Variants in PHF2 observed in about 807,000 individuals in gnomAD.
PHF2 encodes PHD finger protein 2, also known as lysine-specific demethylase PHF2.
A neutral mutation model predicts 120.5 loss-of-function variants in PHF2; 27 were observed. That is an observed-to-expected ratio of 0.22 (90% CI 0.17 to 0.31). The LOEUF (loss-of-function observed/expected upper bound fraction) is 0.31. Among genes scored for constraint, PHF2 ranks in the 10% least tolerant of loss-of-function variants. The pLI is 1.00. For missense variants in PHF2, 1,024 were observed against 1,434.8 expected, an observed-to-expected ratio of 0.71 and a Z score of 4.63; for synonymous variants, 568 against 592.5, an observed-to-expected ratio of 0.96 and a Z score of 0.60.
chr9:93,596,656 G>A (rs1446512710), intron 1 of PHF2, among the ~76,000 whole-genome samples: 1 of 152,022 alleles, frequency 6.6e-6, no homozygotes, highest in Non-Finnish European at 1.5e-5. Flanking sequence ...TAGGGAGCTT[G>A]CTTCCCAGGA....
intron 5 of PHF2, among the ~76,000 whole-genome samples, chr9:93,651,598 G>A (rs1826371077): frequency 6.6e-6 from 1 of 152,104 alleles, no homozygotes; most frequent in Admixed American, 6.5e-5. Flanking sequence ...CCTCAGGGGG[G>A]CCCACAGTGA....
intron 1 of PHF2, among the ~76,000 whole-genome samples, chr9:93,616,645 C>T (rs1304516499): frequency 7.3e-6 from 1 of 136,838 alleles, no homozygotes; most frequent in African/African-American, 2.7e-5. Flanking sequence ...TGATGTTTCT[C>T]CTATAATTTT....
intron 19 of PHF2, 147 bp from the exon 20 acceptor site, chr9:93,675,533 T>C (rs926534792): frequency 1.6e-6 from 1 of 632,834 alleles, no homozygotes; most frequent in Non-Finnish European, 2.8e-6. Context: ...TGCCCTATTG[T>C]GAGGCGGCTT....
At chr9:93,649,340 T>G (rs1587705406) in intron 5 of PHF2, 128 bp downstream of exon 5, 2 of 565,920 alleles carry the variant, frequency 3.5e-6, no homozygotes, top group East Asian at 6.4e-5. Context: ...TGGCACACAC[T>G]GATTTTTACT....
At chr9:93,637,360 G>C (rs1488404478) in intron 3 of PHF2, among the ~76,000 whole-genome samples, 1 of 151,932 alleles carries the variant, frequency 6.6e-6, no homozygotes, top group Admixed American at 6.5e-5. Context: ...TGTGCAGTTC[G>C]GTGGATTTTA....
At chr9:93,659,653 A>T (rs1826523855) in intron 11 of PHF2, 53 bp downstream of exon 11, 1 of 1,533,936 alleles carries the variant, frequency 6.5e-7, no homozygotes, top group Non-Finnish European at 9.0e-7. Context: ...GGGAGGGCCC[A>T]CCTGTCTTTC....
chr9:93,675,986 G>T (rs1313019298), intron 20 of PHF2, among the ~76,000 whole-genome samples, 197 bp downstream of exon 20: 1 of 152,196 alleles, frequency 6.6e-6, no homozygotes, highest in East Asian at 1.9e-4. Context: ...GGGTCCGGGG[G>T]AGCTAGGAAT....
chr9:93,666,113 CCCAAGG>C, intron 16 of PHF2, 53 bp downstream of exon 16: 9 of 1,575,786 alleles, frequency 5.7e-6, no homozygotes, highest in Non-Finnish European at 7.8e-6. Flanking sequence ...CTGGGCAGTC[CCCAAGG>C]CCATGGTTTG....
At position 93,589,330 on chromosome 9, in the gene PHF2, TTC is replaced by T. The variant is rs138716188; in HGVS notation, c.98+12462_98+12463del. On this transcript the variant is annotated intron_variant, in intron 1 of 21. Transcript: ENST00000359246. Reference sequence around the variant, plus strand: ...AAACTGTGTGTGTGGTGGGTGGGATTTCTCAGCCTCTGCACGGCTGACGTCTG... The same window carrying T: ...AAACTGTGTGTGTGGTGGGTGGGATTTCAGCCTCTGCACGGCTGACGTCTG... 2.3e-3 allele frequency among the ~76,000 whole-genome samples: 345 copies of T among 151,780 alleles called. 2 individuals are homozygous for T. The highest frequency in any genetic ancestry group is 8.0e-3 in the African/African-American group (330 of 41,354).
intron 20 of PHF2, among the ~76,000 whole-genome samples, 177 bp from the exon 21 acceptor site, chr9:93,676,417 C>T (rs1400433603): frequency 6.6e-6 from 1 of 152,198 alleles, no homozygotes; most frequent in Admixed American, 6.5e-5. Flanking sequence ...GCTGTGGGTG[C>T]TGGCGCCCTG....
intron 3 of PHF2, among the ~76,000 whole-genome samples, chr9:93,640,115 T>C (rs1287689541): frequency 1.1e-5 from 1 of 91,096 alleles, no homozygotes; most frequent in Non-Finnish European, 2.3e-5. Flanking sequence ...AGATAGTTGC[T>C]TGGTCTTTGG....
intron 1 of PHF2, among the ~76,000 whole-genome samples, chr9:93,585,983 A>G (rs1316136405): frequency 6.6e-6 from 1 of 152,218 alleles, no homozygotes; most frequent in East Asian, 1.9e-4. Flanking sequence ...TGCTGGAGCA[A>G]TGGTGCAGAC....
At chr9:93,607,487 T>C (rs10821180) in intron 1 of PHF2, among the ~76,000 whole-genome samples, 43,960 of 144,026 alleles carry the variant, frequency 0.31, 7,748 homozygotes, top group Non-Finnish European at 0.4. Flanking sequence ...TTCACCATGT[T>C]GCCCAGGCTG....
chr9:93,578,735 G>T (rs2131592900), intron 1 of PHF2, among the ~76,000 whole-genome samples: 1 of 152,342 alleles, frequency 6.6e-6, no homozygotes, highest in East Asian at 1.9e-4. Context: ...GGCGACAGGG[G>T]CTGAGAGCTG....
At chr9:93,577,247 C>T (rs1467768179) in intron 1 of PHF2, among the ~76,000 whole-genome samples, 1 of 151,254 alleles carries the variant, frequency 6.6e-6, no homozygotes, top group African/African-American at 2.4e-5. Flanking sequence ...AGGCCGAGGC[C>T]CGGAGCCCCC....
At chr9:93,582,660 G>A (rs1221654007) in intron 1 of PHF2, among the ~76,000 whole-genome samples, 1 of 152,172 alleles carries the variant, frequency 6.6e-6, no homozygotes, top group African/African-American at 2.4e-5. Flanking sequence ...ATAGTGCTGG[G>A]TCACTCACAG....
At chr9:93,587,312 C>T (rs897337052) in intron 1 of PHF2, among the ~76,000 whole-genome samples, 1 of 132,000 alleles carries the variant, frequency 7.6e-6, no homozygotes, top group African/African-American at 3.0e-5. Flanking sequence ...CAGAGGAGCC[C>T]TGGTTGAGGG....
chr9:93,658,385 G>T, intron 10 of PHF2, 149 bp downstream of exon 10: 1 of 691,042 alleles, frequency 1.4e-6, no homozygotes, highest in African/African-American at 1.8e-5. Context: ...GCCTGGCTTG[G>T]CCCGGGGTGT....
chr9:93,601,931 CGGGGGTGGTAGGGTGGGGT>C (rs1280420053), intron 1 of PHF2, among the ~76,000 whole-genome samples: 2 of 110,232 alleles, frequency 1.8e-5, no homozygotes, highest in Admixed American at 1.1e-4. Flanking sequence ...GATGGGAGTG[CGGGGGTGGTAGGGTGGGGT>C]GGGGGTGGCC....
Sources: allele counts gnomAD v4.1 joint callset (sites outside exome capture counted in the v4.1 genomes callset), GRCh38; gene constraint gnomAD v4.1.1; transcripts MANE v1.5; gene names NCBI Gene and HGNC (gene_info 2026-07-23, HGNC 2026-07-21).